TASP1: variants seen among roughly 807,000 people sequenced by gnomAD.
TASP1 encodes the protein taspase 1.
In TASP1, 16 loss-of-function variants were observed where a neutral mutation model predicts 56.6. That is an observed-to-expected ratio of 0.28 (90% CI 0.19 to 0.43). The LOEUF (loss-of-function observed/expected upper bound fraction) is 0.43, where lower values mean the gene tolerates loss of function less well. Ranked by LOEUF, TASP1 falls within the 20% of genes least tolerant of loss-of-function variation. The pLI is 1.00. For missense variants in TASP1, 393 were observed against 511.6 expected (o/e 0.77, Z 2.24); for synonymous variants, 179 against 184.2 (o/e 0.97, Z 0.23).
chr20:13,373,395 A>G, the TASP1 span, among the ~76,000 whole-genome samples: 1 of 150,714 alleles, frequency 6.6e-6, no homozygotes. Context: ...ACTTGCTTTC[A>G]GCCTAAAAAT....
the TASP1 span, among the ~76,000 whole-genome samples, chr20:13,146,904 G>A: frequency 4.6e-5 from 7 of 152,316 alleles, no homozygotes; most frequent in Non-Finnish European, 7.3e-5. Flanking sequence ...GGTCAGCTGC[G>A]TAATGCCTTC....
intron 13 of TASP1, among the ~76,000 whole-genome samples, chr20:13,413,737 A>G (rs1436310245): frequency 6.6e-6 from 1 of 152,232 alleles, no homozygotes; most frequent in Non-Finnish European, 1.5e-5. Flanking sequence ...TAATTTGAAA[A>G]TAATTTAAGA....
chr20:13,461,557 G>T (rs1294949525), intron 11 of TASP1, among the ~76,000 whole-genome samples: 3 of 152,126 alleles, frequency 2.0e-5, no homozygotes, highest in Admixed American at 6.6e-5. Flanking sequence ...AAAGGGCCAG[G>T]CAGTAAAATT....
intron 10 of TASP1, among the ~76,000 whole-genome samples, chr20:13,502,992 G>A (rs1395287811): frequency 6.6e-6 from 1 of 152,198 alleles, no homozygotes; most frequent in Middle Eastern, 3.2e-3. Flanking sequence ...AATGGAAAGT[G>A]AGAGTGCAGT....
chr20:13,353,676 G>A, the TASP1 span, among the ~76,000 whole-genome samples: 4 of 152,114 alleles, frequency 2.6e-5, no homozygotes, highest in East Asian at 1.9e-4. Flanking sequence ...TCCTGTTCAG[G>A]GGATTGGAAG....
At chr20:13,258,015 G>A in the TASP1 span, among the ~76,000 whole-genome samples, 1 of 151,990 alleles carries the variant, frequency 6.6e-6, no homozygotes, top group Non-Finnish European at 1.5e-5. Flanking sequence ...TGTGGAAGAG[G>A]GGCACTCATG....
At chr20:13,146,934 T>G in the TASP1 span, among the ~76,000 whole-genome samples, 1 of 152,344 alleles carries the variant, frequency 6.6e-6, no homozygotes, top group Non-Finnish European at 1.5e-5. Flanking sequence ...AAGCCTCTGT[T>G]TCCTCATCTG....
chr20:13,243,779 C>T, the TASP1 span, among the ~76,000 whole-genome samples: 2 of 152,142 alleles, frequency 1.3e-5, no homozygotes, highest in African/African-American at 4.8e-5. Flanking sequence ...AACTAATCAG[C>T]AAAACATGGT....
chr20:13,572,873 T>C (rs2046768588), intron 6 of TASP1, among the ~76,000 whole-genome samples: 1 of 152,132 alleles, frequency 6.6e-6, no homozygotes, highest in South Asian at 2.1e-4. Flanking sequence ...ATCATGACTA[T>C]AATCAGTCTA....
At chr20:13,170,733 C>T in the TASP1 span, among the ~76,000 whole-genome samples, 1 of 152,188 alleles carries the variant, frequency 6.6e-6, no homozygotes, top group Non-Finnish European at 1.5e-5. Context: ...TTTGGGTCGG[C>T]TGCAGTGCCC....
At chr20:13,511,966 T>C (rs572131813) in intron 10 of TASP1, among the ~76,000 whole-genome samples, 2 of 152,250 alleles carry the variant, frequency 1.3e-5, no homozygotes, top group East Asian at 3.9e-4. Context: ...TACTATTCCA[T>C]GGTGTATATG....
At chr20:13,324,580 T>G in the TASP1 span, among the ~76,000 whole-genome samples, 1 of 152,240 alleles carries the variant, frequency 6.6e-6, no homozygotes, top group African/African-American at 2.4e-5. Flanking sequence ...TAATTATGCC[T>G]TAATCATGCT....
chr20:13,286,903 C>T, the TASP1 span, among the ~76,000 whole-genome samples: 1 of 152,228 alleles, frequency 6.6e-6, no homozygotes, highest in African/African-American at 2.4e-5. Flanking sequence ...TAGCTCCACG[C>T]TTGGCAGCAG....
intron 4 of TASP1, among the ~76,000 whole-genome samples, chr20:13,608,414 T>C (rs1433926518): frequency 6.6e-6 from 1 of 152,208 alleles, no homozygotes; most frequent in Non-Finnish European, 1.5e-5. Context: ...ATTCAACAAA[T>C]ATTTATTGGA....
intron 4 of TASP1, among the ~76,000 whole-genome samples, chr20:13,611,306 C>T (rs2048339810): frequency 6.6e-6 from 1 of 152,194 alleles, no homozygotes; most frequent in Non-Finnish European, 1.5e-5. Context: ...CAATATTTCA[C>T]TCCTGGGACT....
At chr20:13,616,542 T>C (rs2048531020) in intron 4 of TASP1, among the ~76,000 whole-genome samples, 1 of 152,140 alleles carries the variant, frequency 6.6e-6, no homozygotes, top group African/African-American at 2.4e-5. Flanking sequence ...ATAAGCTCTA[T>C]ACTTAAGTGT....
At chr20:13,457,368 A>G (rs1184883909) in intron 11 of TASP1, among the ~76,000 whole-genome samples, 3 of 152,166 alleles carry the variant, frequency 2.0e-5, no homozygotes, top group African/African-American at 7.2e-5. Context: ...GATGGTATAT[A>G]TACGATAGGA....
intron 7 of TASP1, among the ~76,000 whole-genome samples, chr20:13,559,790 G>A (rs2147073864): frequency 6.6e-6 from 1 of 152,134 alleles, no homozygotes; most frequent in Middle Eastern, 3.4e-3. Flanking sequence ...AAACAAACTG[G>A]CCTTAACTTA....
the TASP1 span, among the ~76,000 whole-genome samples, chr20:13,162,724 C>G: frequency 2.6e-5 from 4 of 152,180 alleles, no homozygotes; most frequent in African/African-American, 7.2e-5. Context: ...TCTCGCCTTT[C>G]AGATAGAAAT....
Sources: gnomAD v4.1 joint callset for allele counts (sites outside exome capture counted in the v4.1 genomes callset) on GRCh38, gnomAD v4.1.1 for gene constraint, MANE v1.5 for transcripts, NCBI Gene and HGNC (gene_info 2026-07-23, HGNC 2026-07-21) for gene names.